PKP1: variants seen among roughly 807,000 people sequenced by gnomAD.
The protein encoded by PKP1 is plakophilin 1.
PKP1 carries 27 observed loss-of-function variants against 76.4 expected under a neutral mutation model. The ratio of observed to expected loss-of-function variants is 0.35; its 90% CI spans 0.26 to 0.49. The LOEUF (loss-of-function observed/expected upper bound fraction) is 0.49, where lower values mean the gene tolerates loss of function less well. Among genes scored for constraint, PKP1 ranks in the 20% least tolerant of loss-of-function variants. PKP1 has a pLI of 0.99. For missense variants in PKP1, 964 were observed against 955.2 expected, an observed-to-expected ratio of 1.01 and a Z score of -0.12; for synonymous variants, 404 against 384.2, an observed-to-expected ratio of 1.05 and a Z score of -0.60.
intron 2 of PKP1, among the ~76,000 whole-genome samples, chr1:201,302,605 C>G (rs1016227944): frequency 1.3e-5 from 2 of 152,188 alleles, no homozygotes; most frequent in African/African-American, 4.8e-5. Flanking sequence ...ACTTTCTCCC[C>G]CAGGGCCCTG....
intron 2 of PKP1, among the ~76,000 whole-genome samples, chr1:201,296,738 C>T (rs543225119): frequency 6.6e-6 from 1 of 152,358 alleles, no homozygotes; most frequent in South Asian, 2.1e-4. Flanking sequence ...AACACCAATA[C>T]TGCCATTGCT....
rs375817243 is a variant in PKP1, at chr1:201,302,685, C to A, written c.306+8640C>A. 7.2e-5 allele frequency among the ~76,000 whole-genome samples: 11 copies of A among 152,206 alleles called. No homozygotes were observed. The East Asian group carries it at 1.7e-3, about 24-fold the overall frequency. ...GCTGAAAACAAAATCAGCTCAGGCACGGGGAGGGGACGGGGGATCTGTAGA... is the reference window on the plus strand; with the variant it reads ...GCTGAAAACAAAATCAGCTCAGGCAAGGGGAGGGGACGGGGGATCTGTAGA... On this transcript the variant is annotated intron_variant, in intron 2 of 13. Coordinates refer to ENST00000367324, the MANE Select transcript of PKP1 (RefSeq NM_001005337.3).
At chr1:201,300,043 C>T (rs996642609) in intron 2 of PKP1, among the ~76,000 whole-genome samples, 5 of 152,222 alleles carry the variant, frequency 3.3e-5, no homozygotes, top group African/African-American at 7.2e-5. Flanking sequence ...TCAGTGTCCC[C>T]GCTGCCAACT....
chr1:201,309,628 G>GTGGGGGTGTGGCTGGGAGAGCCGGCAT (rs1276229303), intron 2 of PKP1, among the ~76,000 whole-genome samples: 60 of 152,344 alleles, frequency 3.9e-4, no homozygotes, highest in Admixed American at 3.5e-3. Flanking sequence ...CTATCTGAGT[G>GTGGGGGTGTGGCTGGGAGAGCCGGCAT]TGGGGGTGTG....
intron 2 of PKP1, among the ~76,000 whole-genome samples, chr1:201,309,671 C>T (rs531111666): frequency 1.3e-5 from 2 of 152,204 alleles, no homozygotes; most frequent in South Asian, 4.1e-4. Context: ...GTGAAGCTCT[C>T]CCACCTGCAG....
At chr1:201,303,257 A>G (rs752373392) in intron 2 of PKP1, among the ~76,000 whole-genome samples, 1 of 151,964 alleles carries the variant, frequency 6.6e-6, no homozygotes, top group Non-Finnish European at 1.5e-5. Context: ...GATTCAAGCA[A>G]TCCTCCCGCC....
intron 2 of PKP1, 152 bp downstream of exon 2, chr1:201,294,197 C>T: frequency 1.4e-6 from 1 of 694,458 alleles, no homozygotes; most frequent in Non-Finnish European, 2.7e-6. Context: ...GGTCTGTTGA[C>T]TTGGCCATTG....
Position 201,320,271 on chromosome 1 carries a change from C to A in PKP1, c.1237C>A (p.Leu413Met), listed in dbSNP as rs370631788. The A allele has an allele frequency of 9.9e-6, 16 of 1,611,126 alleles. No homozygotes were observed. Among genetic ancestry groups the A allele is most frequent in the Non-Finnish European group, 1.4e-5 (16 of 1,177,456 alleles). Residue 413 changes from leucine to methionine, a missense_variant, in exon 7 of 14, where the codon CTG becomes ATG. Physicochemically the swap from Leu to Met is conservative, Grantham distance 15. Transcript: ENST00000367324. ...FFNATGCLRN[L>M]SSADAGRQTM... The stretch of plus-strand genomic sequence containing the variant: ...CCACCCTCTTCTCTCCCCCAGGAAC[C>A]TGAGCTCGGCCGATGCAGGCCGCCA...
Position 201,331,081 on chromosome 1 carries a change from G to A in PKP1, c.*1040G>A, listed in dbSNP as rs774719541. 8 of 152,300 alleles carry A rather than the reference G, an allele frequency of 5.3e-5. No individual in the cohort carries two copies. The highest frequency in any genetic ancestry group is 7.3e-5 in the Non-Finnish European group (5 of 68,050). The allele number at this position is 152,300 out of a possible 1,614,324, so 9.4% of individuals were successfully genotyped here. ...GTGGGGCTGGGCATATACCTATTCC[G>A]GCTTCTAGTGGGATGGAGTTGGGGT... On this transcript the variant is annotated 3_prime_UTR_variant, in exon 14 of 14. Coordinates refer to ENST00000367324, the MANE Select transcript of PKP1 (RefSeq NM_001005337.3).
chr1:201,319,576 T>C (rs181044202), intron 6 of PKP1, among the ~76,000 whole-genome samples: 238 of 151,904 alleles, frequency 1.6e-3, no homozygotes, highest in Admixed American at 3.1e-3. Context: ...AGATGAAAAG[T>C]GAGGATAATT....
intron 9 of PKP1, among the ~76,000 whole-genome samples, chr1:201,323,615 T>C (rs1657014567): frequency 6.6e-6 from 1 of 152,118 alleles, no homozygotes; most frequent in South Asian, 2.1e-4. Flanking sequence ...CGTGCAGATG[T>C]TGAGGCCAAA....
At chr1:201,306,858 AT>A in intron 2 of PKP1, among the ~76,000 whole-genome samples, 1 of 151,228 alleles carries the variant, frequency 6.6e-6, no homozygotes, top group Non-Finnish European at 1.5e-5. Flanking sequence ...TTTTTTTTGT[AT>A]TTTTAGTAGA....
rs1316709232 is a variant in PKP1 at position 201,325,098 on chromosome 1, C to G, written c.1992C>G (p.Leu664=). 1 of 1,613,936 alleles carries G rather than the reference C, an allele frequency of 6.2e-7. No homozygotes were observed. Among genetic ancestry groups the G allele is most frequent in the Admixed American group, 1.7e-5 (1 of 60,036 alleles). The change falls in exon 11 of 14, where the codon CTC becomes CTG. Residue 664 remains leucine, a synonymous_variant. Transcript: ENST00000367324. ...LAKQYFSSSM[L]NNIINLCRSS... is the part of the protein sequence containing the mutation. ...AGCAGTACTTCTCCAGCAGCATGCT[C>G]AACAACATCATCAACCTGTGCCGAA...
rs1180178780 is a variant in PKP1 at position 201,324,958 on chromosome 1, G to A, written c.1852G>A (p.Glu618Lys). The A allele has an allele frequency of 1.4e-5, 22 of 1,613,528 alleles. No individual in the cohort carries two copies. The Admixed American group carries it at 3.7e-4, about 27-fold the overall frequency. Reference sequence around the variant, plus strand: ...TCTCCCAGGGAACCAGGTGTTCCCGGAGGTGACCAGGCTCCTCACCAGCCA... The same window carrying A: ...TCTCCCAGGGAACCAGGTGTTCCCGAAGGTGACCAGGCTCCTCACCAGCCA... The part of the protein sequence containing the change: ...HRVMGNQVFP[E>K]VTRLLTSHTG... Residue 618 changes from glutamate to lysine, a missense_variant, in exon 11 of 14, where the codon GAG becomes AAG. Transcript: ENST00000367324.
chr1:201,283,815 G>A lies in PKP1; in HGVS notation c.113G>A (p.Arg38Lys), dbSNP rs1320012247. ...AAGATGAAAACAGGCACGTCTGGCA[G>A]GCAGCGCGTGCAGGAGCAGGTGATG... Reference protein sequence around the residue: ...DQKMKTGTSGRQRVQEQVMMT... With the variant: ...DQKMKTGTSGKQRVQEQVMMT... The change falls in exon 1 of 14, where the codon AGG becomes AAG. Residue 38 changes from arginine (R) to lysine (K), a missense_variant. Arg to Lys is a conservative substitution (Grantham distance 26, BLOSUM62 2). Coordinates refer to ENST00000367324, the MANE Select transcript of PKP1 (RefSeq NM_001005337.3). 1.9e-6 allele frequency: 3 copies of A among 1,614,144 alleles called. No homozygotes were observed. In the Admixed American group the frequency reaches 5.0e-5, roughly 27 times the overall value.
chr1:201,306,762 C>G lies in PKP1; in HGVS notation c.307-6404C>G, dbSNP rs1018377842. Among the ~76,000 whole-genome samples the G allele has an allele frequency of 2.6e-5, 4 of 152,136 alleles. No individual in the cohort carries two copies. The South Asian group carries it at 8.3e-4, about 32-fold the overall frequency. On this transcript the variant is annotated intron_variant, in intron 2 of 13. Transcript: ENST00000367324. ...CAATCTCAGCTCACTGCAAGCTCCA[C>G]CTTCTGGGTTCATGCCATTCTCCTG...
chr1:201,319,106 A>T (rs1408130772), intron 6 of PKP1, among the ~76,000 whole-genome samples: 1 of 103,410 alleles, frequency 9.7e-6, no homozygotes, highest in East Asian at 3.7e-4. Flanking sequence ...ATGAAAAAAA[A>T]TGCATTTCTT....
At chr1:201,316,245 A>G (rs142437092) in intron 3 of PKP1, 22 of 335,504 alleles carry the variant, frequency 6.6e-5, no homozygotes, top group Non-Finnish European at 1.2e-4. Context: ...GTAGGTGGGA[A>G]GCTTCCCCTC....
chr1:201,291,614 T>C (rs545594586), intron 1 of PKP1, among the ~76,000 whole-genome samples: 11 of 152,280 alleles, frequency 7.2e-5, no homozygotes, highest in African/African-American at 2.6e-4. Context: ...CTGCTTCTCA[T>C]AGCAGGAGGC....
Sources: gnomAD v4.1 joint callset for allele counts (sites outside exome capture counted in the v4.1 genomes callset) on GRCh38, gnomAD v4.1.1 for gene constraint, MANE v1.5 for transcripts, NCBI Gene and HGNC (gene_info 2026-07-23, HGNC 2026-07-21) for gene names.